MINDY4: variants seen among roughly 807,000 people sequenced by gnomAD.
MINDY4 encodes the protein probable ubiquitin carboxyl-terminal hydrolase MINDY-4.
A neutral mutation model predicts 87.0 loss-of-function variants in MINDY4; 68 were observed. That is an observed-to-expected ratio of 0.78 (90% CI 0.64 to 0.96). MINDY4 has a LOEUF of 0.96. Among genes scored for constraint, MINDY4 ranks in the 40% least tolerant of loss-of-function variants. The probability of loss-of-function intolerance (pLI) is 0.00; values close to 1 mark genes in which losing one functional copy is unlikely to be tolerated. For missense variants in MINDY4, 919 were observed against 928.2 expected, an observed-to-expected ratio of 0.99 and a Z score of 0.13; for synonymous variants, 379 against 363.2, an observed-to-expected ratio of 1.04 and a Z score of -0.50.
chr7:30,826,037 C>T (rs1466264582), intron 5 of MINDY4, among the ~76,000 whole-genome samples: 1 of 152,218 alleles, frequency 6.6e-6, no homozygotes, highest in Non-Finnish European at 1.5e-5. Context: ...AAGTAAATCA[C>T]TCCAATCTCT....
At chr7:30,851,959 G>C (rs1033269052) in intron 10 of MINDY4, among the ~76,000 whole-genome samples, 7 of 152,132 alleles carry the variant, frequency 4.6e-5, no homozygotes, top group Admixed American at 4.6e-4. Context: ...GTTTGGGTTT[G>C]GTTATTCCAA....
chr7:30,864,928 CG>C (rs1789887361), intron 13 of MINDY4, among the ~76,000 whole-genome samples: 1 of 152,178 alleles, frequency 6.6e-6, no homozygotes, highest in Non-Finnish European at 1.5e-5. Flanking sequence ...GGGGGAATCA[CG>C]GGGGTGGGTG....
At chr7:30,821,724 A>G (rs190291380) in intron 5 of MINDY4, among the ~76,000 whole-genome samples, 186 of 151,466 alleles carry the variant, frequency 1.2e-3, no homozygotes, top group African/African-American at 4.1e-3. Context: ...TTTTTCCTCC[A>G]TTTCTCTTAT....
At chr7:30,795,010 G>A (rs1787442908) in intron 5 of MINDY4, among the ~76,000 whole-genome samples, 3 of 152,144 alleles carry the variant, frequency 2.0e-5, no homozygotes, top group Non-Finnish European at 4.4e-5. Flanking sequence ...AACCCCCCAG[G>A]GCTAGGTCTT....
chr7:30,839,344 C>G, intron 8 of MINDY4, 28 bp downstream of exon 8: 5 of 1,451,476 alleles, frequency 3.4e-6, no homozygotes, highest in Non-Finnish European at 3.8e-6. Flanking sequence ...TTCCTTGGGA[C>G]CTTTCTGCTG....
chr7:30,788,160 T>C (rs981071886), intron 4 of MINDY4, among the ~76,000 whole-genome samples: 1 of 152,242 alleles, frequency 6.6e-6, no homozygotes, highest in African/African-American at 2.4e-5. Context: ...TTGAAGTGTA[T>C]GAAGAAAATC....
chr7:30,815,998 C>CT (rs2128559443), intron 5 of MINDY4, among the ~76,000 whole-genome samples: 1 of 152,234 alleles, frequency 6.6e-6, no homozygotes, highest in South Asian at 2.1e-4. Context: ...CTATTTCTGC[C>CT]TACTTACCAG....
intron 13 of MINDY4, among the ~76,000 whole-genome samples, chr7:30,860,854 G>A (rs1789737630): frequency 6.6e-6 from 1 of 152,168 alleles, no homozygotes; most frequent in East Asian, 1.9e-4. Flanking sequence ...CTGGGCACCT[G>A]TGGGGAATTA....
chr7:30,798,783 C>T (rs1787567156), intron 5 of MINDY4, among the ~76,000 whole-genome samples: 1 of 152,198 alleles, frequency 6.6e-6, no homozygotes, highest in Admixed American at 6.5e-5. Context: ...CAGGCGTGAG[C>T]CACTGCGCCC....
chr7:30,789,464 T>C (rs1787253521), intron 4 of MINDY4, among the ~76,000 whole-genome samples: 1 of 152,206 alleles, frequency 6.6e-6, no homozygotes, highest in South Asian at 2.1e-4. Flanking sequence ...GGAGAAAAGC[T>C]CCAAAGATTG....
At chr7:30,826,656 A>T (rs145206659) in intron 5 of MINDY4, among the ~76,000 whole-genome samples, 65 of 152,320 alleles carry the variant, frequency 4.3e-4, no homozygotes, top group African/African-American at 1.5e-3. Flanking sequence ...GAAGCAGTAA[A>T]TGTAGTTATT....
intron 9 of MINDY4, among the ~76,000 whole-genome samples, chr7:30,845,966 G>A (rs1345482859): frequency 1.3e-5 from 2 of 152,220 alleles, no homozygotes; most frequent in Admixed American, 1.3e-4. Context: ...AGAAAGAGAT[G>A]AAGAGCTCTT....
At chr7:30,877,682 T>A (rs938370435) in intron 15 of MINDY4, among the ~76,000 whole-genome samples, 1 of 109,692 alleles carries the variant, frequency 9.1e-6, no homozygotes, top group African/African-American at 5.5e-5. Flanking sequence ...TTCTTCTTCT[T>A]CTTTTTTTTT....
intron 10 of MINDY4, among the ~76,000 whole-genome samples, chr7:30,850,991 T>C (rs1175096821): frequency 3.3e-5 from 5 of 152,242 alleles, no homozygotes; most frequent in Non-Finnish European, 7.3e-5. Context: ...GCTCTGTCAC[T>C]TGGGTCCCCA....
At chr7:30,866,950 C>T (rs1252877262) in intron 13 of MINDY4, among the ~76,000 whole-genome samples, 1 of 152,148 alleles carries the variant, frequency 6.6e-6, no homozygotes, top group Non-Finnish European at 1.5e-5. Context: ...CCATCCTAGC[C>T]CTCTCCTCTT....
chr7:30,860,795 C>A (rs1276049479), intron 13 of MINDY4, among the ~76,000 whole-genome samples: 2 of 152,132 alleles, frequency 1.3e-5, no homozygotes, highest in Non-Finnish European at 2.9e-5. Flanking sequence ...TTGTGCACAG[C>A]TGGGGGACTA....
intron 6 of MINDY4, among the ~76,000 whole-genome samples, chr7:30,830,633 G>A (rs1286890618): frequency 6.6e-6 from 1 of 152,146 alleles, no homozygotes; most frequent in Non-Finnish European, 1.5e-5. Context: ...AGAATAGCAT[G>A]AGGGTAACCG....
Position 30,863,160 on chromosome 7 carries a change from A to G in MINDY4, c.1745+3836A>G, listed in dbSNP as rs534767579. Reference sequence around the variant, plus strand: ...CTGGGGTTCACATTCAGCTTTGCCAAAGAATCCTCTGATGCCATTTCAGGG... The same window carrying G: ...CTGGGGTTCACATTCAGCTTTGCCAGAGAATCCTCTGATGCCATTTCAGGG... On this transcript the variant is annotated intron_variant, in intron 13 of 17. Transcript: ENST00000265299. 5.3e-5 allele frequency among the ~76,000 whole-genome samples: 8 copies of G among 152,308 alleles called. No individual in the cohort carries two copies. In the South Asian group the frequency reaches 1.2e-3, roughly 24 times the overall value.
intron 12 of MINDY4, chr7:30,858,978 A>G (rs768120025): frequency 2.9e-6 from 2 of 678,438 alleles, no homozygotes; most frequent in Non-Finnish European, 5.5e-6. Flanking sequence ...GCTGGCCATG[A>G]CTGTTGCTGT....
Sources: gnomAD v4.1 joint callset for allele counts (sites outside exome capture counted in the v4.1 genomes callset) on GRCh38, gnomAD v4.1.1 for gene constraint, MANE v1.5 for transcripts, NCBI Gene and HGNC (gene_info 2026-07-23, HGNC 2026-07-21) for gene names.